CPD: variants seen among roughly 807,000 people sequenced by gnomAD.
The protein encoded by CPD is carboxypeptidase D.
Under a neutral mutation model 138.3 loss-of-function variants are expected in CPD, and 69 were observed. The ratio of observed to expected loss-of-function variants is 0.50; its 90% CI spans 0.41 to 0.61. The LOEUF is 0.61. Ranked by LOEUF, CPD falls within the 20% of genes least tolerant of loss-of-function variation. CPD has a pLI of 0.00. For missense variants in CPD, 1,432 were observed against 1,733.3 expected (o/e 0.83, Z 3.09); for synonymous variants, 651 against 642.1 (o/e 1.01, Z -0.21).
At chr17:30,453,738 G>A (rs952632325) in intron 14 of CPD, among the ~76,000 whole-genome samples, 1 of 152,224 alleles carries the variant, frequency 6.6e-6, no homozygotes, top group East Asian at 1.9e-4. Context: ...GCCTGCCCCT[G>A]CAGCAAACTT....
chr17:30,388,737 C>G (rs1245800169), intron 2 of CPD, among the ~76,000 whole-genome samples: 3 of 152,170 alleles, frequency 2.0e-5, no homozygotes, highest in Non-Finnish European at 4.4e-5. Flanking sequence ...CGGGTGGCTC[C>G]TAATCCTCGC....
intron 2 of CPD, among the ~76,000 whole-genome samples, chr17:30,400,946 G>C (rs1911644019): frequency 6.6e-6 from 1 of 151,660 alleles, no homozygotes; most frequent in Non-Finnish European, 1.5e-5. Flanking sequence ...CAGAGTGCTG[G>C]GATTACAGGC....
At chr17:30,459,390 A>G (rs1913404999) in intron 17 of CPD, among the ~76,000 whole-genome samples, 2 of 142,404 alleles carry the variant, frequency 1.4e-5, no homozygotes. Flanking sequence ...ACCCCACAAC[A>G]GGCCCTGGTG....
At chr17:30,408,868 G>A (rs1282702618) in intron 2 of CPD, among the ~76,000 whole-genome samples, 1 of 152,146 alleles carries the variant, frequency 6.6e-6, no homozygotes, top group East Asian at 1.9e-4. Flanking sequence ...GTGAGAGAGG[G>A]CATCCTTGTG....
chr17:30,457,921 G>A (rs1374951794), intron 17 of CPD, among the ~76,000 whole-genome samples: 1 of 152,150 alleles, frequency 6.6e-6, no homozygotes, highest in Non-Finnish European at 1.5e-5. Flanking sequence ...TGAGCGTGGT[G>A]GTGGCTCATG....
In CPD at chr17:30,420,959, G is replaced by A. The variant is rs1912250472; in HGVS notation, c.1113G>A (p.Glu371=). 1 of 1,613,614 alleles carries A rather than the reference G, an allele frequency of 6.2e-7. No individual in the cohort carries two copies. Among genetic ancestry groups the A allele is most frequent in the Admixed American group, 1.7e-5 (1 of 59,972 alleles). The change falls in exon 3 of 21, where the codon GAG becomes GAA. Residue 371 remains glutamate, a synonymous_variant. Transcript: ENST00000225719. ...QLRQEWENNR[E]SLITLIEKVH... ...GACAGGAATGGGAGAACAATCGTGA[G>A]TCTTTGATCACATTGATTGAAAAGG...
intron 1 of CPD, among the ~76,000 whole-genome samples, chr17:30,382,880 G>T (rs1297457719): frequency 6.6e-6 from 1 of 152,128 alleles, no homozygotes; most frequent in Non-Finnish European, 1.5e-5. Context: ...ATCTATCCCT[G>T]GAATGTCCTT....
intron 20 of CPD, among the ~76,000 whole-genome samples, 166 bp downstream of exon 20, chr17:30,462,635 C>T (rs1913519375): frequency 6.6e-6 from 1 of 152,134 alleles, no homozygotes; most frequent in Non-Finnish European, 1.5e-5. Flanking sequence ...CATATGTTCT[C>T]CTGGCTTGCC....
At position 30,461,882 on chromosome 17, in the gene CPD, C is replaced by T; in HGVS notation, c.3636C>T (p.His1212=). The stretch of plus-strand genomic sequence containing the variant: ...TATTTTAAACATTTTTTCAGGTTCA[C>T]AAGGGAGTTCATGGATTTGTTAAAG... ...RSLLSMLVEV[H]KGVHGFVKDK... The change falls in exon 19 of 21, where the codon CAC becomes CAT. Residue 1212 remains histidine, a synonymous_variant. Coordinates refer to ENST00000225719, the MANE Select transcript of CPD (RefSeq NM_001304.5). The T allele has an allele frequency of 1.3e-6, 2 of 1,595,076 alleles. No homozygotes were observed. Among genetic ancestry groups the T allele is most frequent in the Non-Finnish European group, 1.7e-6 (2 of 1,171,956 alleles).
intron 11 of CPD, among the ~76,000 whole-genome samples, chr17:30,445,066 T>C (rs1567880776): frequency 6.6e-6 from 1 of 152,142 alleles, no homozygotes; most frequent in African/African-American, 2.4e-5. Context: ...CCTCTGCAAC[T>C]TTCCCACCCG....
In CPD at chr17:30,385,145, A is replaced by C; in HGVS notation, c.903A>C (p.Ile301=). 2 of 1,614,058 alleles carry C rather than the reference A, an allele frequency of 1.2e-6. No individual in the cohort carries two copies. Among genetic ancestry groups the C allele is most frequent in the Non-Finnish European group, 1.7e-6 (2 of 1,179,980 alleles). ...AAGCTTATGCTTCAAACCACCCCAT[A>C]ATGAAAACTGGTGAGCCTCATTGTC... is the stretch of plus-strand genomic sequence containing the variant. The part of the protein sequence containing the change: ...LAKAYASNHP[I]MKTGEPHCPG... Residue 301 remains isoleucine (I), a synonymous_variant, in exon 2 of 21, where the codon ATA becomes ATC. Transcript: ENST00000225719.
At chr17:30,451,612 C>A in intron 13 of CPD, 99 bp from the exon 14 acceptor site, 1 of 1,016,728 alleles carries the variant, frequency 9.8e-7, no homozygotes, top group Non-Finnish European at 1.4e-6. Context: ...TTTAAATTAA[C>A]TATGTGTAGA....
chr17:30,452,169 A>C (rs1479119067), intron 14 of CPD, among the ~76,000 whole-genome samples: 3 of 152,158 alleles, frequency 2.0e-5, no homozygotes, highest in Non-Finnish European at 2.9e-5. Flanking sequence ...ACACGTATGT[A>C]TATTGATTTG....
rs539225140 is a variant in CPD, at chr17:30,386,613, T to C, written c.994+1377T>C. ...ATAATAATTCCCACTTCCATCTCTA[T>C]CCCTTACCCCCAGCCATTGGTAACC... is the stretch of plus-strand genomic sequence containing the variant. On this transcript the variant is annotated intron_variant, in intron 2 of 20. Coordinates refer to ENST00000225719, the MANE Select transcript of CPD (RefSeq NM_001304.5). Among the ~76,000 whole-genome samples the C allele has an allele frequency of 1.7e-3, 263 of 152,300 alleles. 1 individual carries two copies. The highest frequency in any genetic ancestry group is 6.0e-3 in the African/African-American group (249 of 41,564).
At position 30,464,472 on chromosome 17, in the gene CPD, C is replaced by T. The variant is rs993652579; in HGVS notation, c.3917-116C>T. On this transcript the variant is annotated intron_variant, in intron 20 of 20. Coordinates refer to ENST00000225719, the MANE Select transcript of CPD (RefSeq NM_001304.5). ...TAATAATAAAGGTTGTTCTTAAGTGCATGAAATAGAAATAAAATAAATGAG... is the reference window on the plus strand; with the variant it reads ...TAATAATAAAGGTTGTTCTTAAGTGTATGAAATAGAAATAAAATAAATGAG... 1.6e-5 allele frequency: 12 copies of T among 756,706 alleles called. No homozygotes were observed. The Admixed American group carries it at 2.5e-4, about 16-fold the overall frequency. The allele number at this position is 756,706 out of a possible 1,614,324, so 46.9% of individuals were successfully genotyped here.
At chr17:30,426,822 ATTTCTCCCAAAG>A (rs1337783846) in intron 6 of CPD, among the ~76,000 whole-genome samples, 1 of 149,580 alleles carries the variant, frequency 6.7e-6, no homozygotes, top group Admixed American at 6.6e-5. Context: ...TGTAAGCTAA[ATTTCTCCCAAAG>A]TTAGCTTGGC....
At chr17:30,402,104 C>G (rs1186677426) in intron 2 of CPD, among the ~76,000 whole-genome samples, 1 of 151,380 alleles carries the variant, frequency 6.6e-6, no homozygotes, top group Admixed American at 6.6e-5. Context: ...TTCTACTTAC[C>G]CATCTTCAAG....
chr17:30,425,007 T>A (rs1567875524), intron 6 of CPD, among the ~76,000 whole-genome samples: 1 of 152,106 alleles, frequency 6.6e-6, no homozygotes, highest in Non-Finnish European at 1.5e-5. Flanking sequence ...TATTTCAGAT[T>A]TTTCCCCCTA....
intron 19 of CPD, 126 bp downstream of exon 19, chr17:30,462,188 A>G: frequency 9.1e-7 from 1 of 1,094,196 alleles, no homozygotes; most frequent in Admixed American, 2.8e-5. Context: ...CTGCCTCTTG[A>G]TTATGATATC....
Sources: allele counts gnomAD v4.1 joint callset (sites outside exome capture counted in the v4.1 genomes callset), GRCh38; gene constraint gnomAD v4.1.1; transcripts MANE v1.5; gene names NCBI Gene and HGNC (gene_info 2026-07-23, HGNC 2026-07-21).